Variants in SDK1 observed in about 807,000 individuals in gnomAD.
SDK1 encodes the protein protein sidekick-1.
Under a neutral mutation model 245.5 loss-of-function variants are expected in SDK1, and 157 were observed. The observed-to-expected ratio is 0.64, with a 90% CI of 0.56 to 0.73. The LOEUF (loss-of-function observed/expected upper bound fraction) is 0.73, where lower values mean the gene tolerates loss of function less well. Ranked by LOEUF, SDK1 falls within the 30% of genes least tolerant of loss-of-function variation. The pLI is 0.00. For synonymous variants in SDK1, 1,647 were observed against 1,278.5 expected (o/e 1.29, Z -6.15); for missense variants, 3,583 against 3,002.3 (o/e 1.19, Z -4.52).
chr7:4,123,698 G>A (rs1038506423), intron 25 of SDK1, among the ~76,000 whole-genome samples: 1 of 152,252 alleles, frequency 6.6e-6, no homozygotes, highest in African/African-American at 2.4e-5. Flanking sequence ...TATTTGGGAA[G>A]ATTGGACTGG....
At chr7:3,942,836 C>A (rs1326543890) in intron 5 of SDK1, among the ~76,000 whole-genome samples, 2 of 152,172 alleles carry the variant, frequency 1.3e-5, no homozygotes, top group Non-Finnish European at 2.9e-5. Context: ...AGCCGCTTCT[C>A]GTTGGAAATG....
chr7:3,914,649 G>A (rs1307907297), intron 5 of SDK1, among the ~76,000 whole-genome samples: 1 of 152,198 alleles, frequency 6.6e-6, no homozygotes, highest in Non-Finnish European at 1.5e-5. Context: ...ATTGCAAAAT[G>A]ATTTTTTGCT....
At chr7:4,096,983 G>A (rs17134341) in intron 22 of SDK1, among the ~76,000 whole-genome samples, 41,851 of 152,142 alleles carry the variant, frequency 0.28, 6,553 homozygotes, top group African/African-American at 0.42. Flanking sequence ...CAGTGCACTC[G>A]AGCAGAATCA....
chr7:3,540,231 A>C (rs1352617819), intron 1 of SDK1, among the ~76,000 whole-genome samples: 1 of 152,162 alleles, frequency 6.6e-6, no homozygotes, highest in Non-Finnish European at 1.5e-5. Context: ...ACATGACGAA[A>C]CCCCATCACT....
chr7:3,799,725 G>T (rs1423499841), intron 4 of SDK1, among the ~76,000 whole-genome samples: 3 of 131,380 alleles, frequency 2.3e-5, no homozygotes, highest in Non-Finnish European at 1.6e-5. Context: ...AAAAAAAAAT[G>T]ACCTCGTTTA....
At chr7:3,553,664 T>C (rs1779488775) in intron 1 of SDK1, among the ~76,000 whole-genome samples, 1 of 152,168 alleles carries the variant, frequency 6.6e-6, no homozygotes, top group Non-Finnish European at 1.5e-5. Context: ...CCTTTTCCAG[T>C]GTGTGATACC....
At chr7:3,870,789 G>GT (rs1419619682) in intron 5 of SDK1, among the ~76,000 whole-genome samples, 4 of 152,188 alleles carry the variant, frequency 2.6e-5, no homozygotes, top group Admixed American at 1.3e-4. Context: ...TTCCACTAAT[G>GT]TTTTTTGTCT....
chr7:3,934,472 A>G (rs1408672118), intron 5 of SDK1, among the ~76,000 whole-genome samples: 1 of 152,240 alleles, frequency 6.6e-6, no homozygotes, highest in Non-Finnish European at 1.5e-5. Flanking sequence ...AGTCACAAAC[A>G]TCCCAGAGCT....
At chr7:3,345,680 C>A (rs186821016) in intron 1 of SDK1, among the ~76,000 whole-genome samples, 2 of 152,300 alleles carry the variant, frequency 1.3e-5, no homozygotes, top group Admixed American at 6.5e-5. Context: ...TGAAAAGACT[C>A]CTCAGCGTTA....
intron 1 of SDK1, among the ~76,000 whole-genome samples, chr7:3,422,986 A>C (rs1274296208): frequency 6.6e-6 from 1 of 152,242 alleles, no homozygotes. Context: ...AGAATGTGTA[A>C]TGAACACTCA....
chr7:3,492,261 A>G (rs548884573), intron 1 of SDK1, among the ~76,000 whole-genome samples: 15 of 152,298 alleles, frequency 9.8e-5, no homozygotes. Flanking sequence ...TTTTAGAGTA[A>G]TATCTTTAAG....
intron 5 of SDK1, among the ~76,000 whole-genome samples, chr7:3,845,682 C>T (rs566825032): frequency 3.7e-4 from 55 of 149,380 alleles, no homozygotes; most frequent in African/African-American, 1.1e-3. Context: ...ATTCTCTCCA[C>T]GTGCTTCTCC....
chr7:3,577,320 A>G (rs1177656171), intron 1 of SDK1, among the ~76,000 whole-genome samples: 1 of 152,098 alleles, frequency 6.6e-6, no homozygotes, highest in East Asian at 1.9e-4. Flanking sequence ...CATTTTACAG[A>G]CAAGGAAACA....
intron 9 of SDK1, among the ~76,000 whole-genome samples, chr7:3,966,438 G>A (rs1343349601): frequency 2.0e-5 from 3 of 152,054 alleles, no homozygotes; most frequent in Admixed American, 1.3e-4. Context: ...AGAGTTAGGC[G>A]AGCCCTCGCT....
chr7:3,836,370 A>G (rs552698186), intron 5 of SDK1, among the ~76,000 whole-genome samples: 1 of 152,340 alleles, frequency 6.6e-6, no homozygotes, highest in Non-Finnish European at 1.5e-5. Flanking sequence ...GAGTGAGTAA[A>G]AAGTACGGCA....
chr7:3,957,222 C>T (rs1273871723), intron 7 of SDK1, among the ~76,000 whole-genome samples: 3 of 152,170 alleles, frequency 2.0e-5, no homozygotes, highest in South Asian at 2.1e-4. Flanking sequence ...TGCTGATGGA[C>T]ACGTGGACCT....
At chr7:3,897,140 C>A (rs1781631000) in intron 5 of SDK1, among the ~76,000 whole-genome samples, 1 of 152,228 alleles carries the variant, frequency 6.6e-6, no homozygotes, top group East Asian at 1.9e-4. Flanking sequence ...TGCCACAACA[C>A]ATGGGGATTA....
intron 4 of SDK1, among the ~76,000 whole-genome samples, chr7:3,724,192 T>C (rs1384274298): frequency 6.6e-6 from 1 of 151,962 alleles, no homozygotes; most frequent in Non-Finnish European, 1.5e-5. Context: ...CTCGAACTCC[T>C]GACCTCAGGT....
intron 17 of SDK1, among the ~76,000 whole-genome samples, chr7:4,031,619 A>C (rs1475106469): frequency 6.6e-6 from 1 of 152,232 alleles, no homozygotes; most frequent in South Asian, 2.1e-4. Flanking sequence ...ATATGTATGT[A>C]GAGAAATATA....
Sources: allele counts gnomAD v4.1 joint callset (sites outside exome capture counted in the v4.1 genomes callset), GRCh38; gene constraint gnomAD v4.1.1; transcripts MANE v1.5; gene names NCBI Gene and HGNC (gene_info 2026-07-23, HGNC 2026-07-21).